Variants in SPICE1 observed in about 807,000 individuals in gnomAD.
The protein encoded by SPICE1 is spindle and centriole associated protein 1.
SPICE1 carries 75 observed loss-of-function variants against 102.7 expected under a neutral mutation model. That is an observed-to-expected ratio of 0.73 (90% CI 0.61 to 0.88). The LOEUF (loss-of-function observed/expected upper bound fraction) is 0.88, where lower values mean the gene tolerates loss of function less well. SPICE1 is among the 40% of genes least tolerant of loss of function. The pLI, the probability that SPICE1 is intolerant of heterozygous loss-of-function variation, is 0.00. For missense variants in SPICE1, 979 were observed against 1,020.1 expected (o/e 0.96, Z 0.55); for synonymous variants, 308 against 350.3 (o/e 0.88, Z 1.35).
intron 1 of SPICE1, among the ~76,000 whole-genome samples, chr3:113,508,113 A>T (rs189990343): frequency 7.3e-4 from 111 of 152,242 alleles, no homozygotes; most frequent in African/African-American, 2.6e-3. Flanking sequence ...CCTACCTCAC[A>T]CCATATTCAA....
intron 12 of SPICE1, among the ~76,000 whole-genome samples, chr3:113,458,666 G>A (rs1346559881): frequency 1.3e-5 from 2 of 151,990 alleles, no homozygotes; most frequent in Non-Finnish European, 2.9e-5. Context: ...TCTCTGCCTG[G>A]CCGCCCGTCG....
intron 7 of SPICE1, among the ~76,000 whole-genome samples, chr3:113,478,688 A>G (rs148389621): frequency 6.6e-6 from 1 of 152,196 alleles, no homozygotes; most frequent in Non-Finnish European, 1.5e-5. Context: ...CTCAGAAGAA[A>G]AGAGTGGCAA....
intron 1 of SPICE1, 148 bp from the exon 2 acceptor site, chr3:113,506,753 T>A: frequency 1.7e-6 from 1 of 602,560 alleles, no homozygotes. Context: ...CCTATCAAAA[T>A]ACTTAGTTCT....
chr3:113,499,313 T>G, intron 4 of SPICE1, 126 bp downstream of exon 4: 3 of 1,058,562 alleles, frequency 2.8e-6, no homozygotes, highest in Non-Finnish European at 3.9e-6. Context: ...GAAGTCCACA[T>G]GTAGATTATT....
intron 17 of SPICE1, among the ~76,000 whole-genome samples, chr3:113,446,143 A>G (rs1289009207): frequency 6.6e-6 from 1 of 152,212 alleles, no homozygotes; most frequent in Non-Finnish European, 1.5e-5. Flanking sequence ...ACCATAACCT[A>G]TCTAACCAAT....
chr3:113,447,929 T>A (rs1935553195), intron 16 of SPICE1, 109 bp downstream of exon 16: 1 of 961,342 alleles, frequency 1.0e-6, no homozygotes, highest in Admixed American at 2.8e-5. Context: ...TGAGTCTGTC[T>A]CAACCTAAGT....
chr3:113,494,126 T>C lies in SPICE1; in HGVS notation c.308A>G (p.Tyr103Cys). 4 of 1,608,340 alleles carry C rather than the reference T, an allele frequency of 2.5e-6. No individual in the cohort carries two copies. Among genetic ancestry groups the C allele is most frequent in the Non-Finnish European group, 3.4e-6 (4 of 1,177,082 alleles). ...SIMKEILSDQ[Y>C]QMQDVLEKSD... ...TTTCTCCAACACATCTTGCATCTGGTATTGATCAGAAAGAATCTAGACATG... is the reference window on the plus strand; with the variant it reads ...TTTCTCCAACACATCTTGCATCTGGCATTGATCAGAAAGAATCTAGACATG... The change falls in exon 5 of 18, where the codon TAC becomes TGC. Residue 103 changes from tyrosine (Y) to cysteine (C), a missense_variant. By Grantham distance (194) the Tyr-to-Cys change is radical. Coordinates refer to ENST00000295872, the MANE Select transcript of SPICE1 (RefSeq NM_144718.4).
chr3:113,474,726 T>C (rs1180107783), intron 7 of SPICE1, among the ~76,000 whole-genome samples: 2 of 152,118 alleles, frequency 1.3e-5, no homozygotes, highest in Non-Finnish European at 2.9e-5. Context: ...AATAAAGATG[T>C]TCTTTGAAAC....
chr3:113,510,867 A>G (rs1368637276), intron 1 of SPICE1, among the ~76,000 whole-genome samples: 2 of 152,226 alleles, frequency 1.3e-5, no homozygotes, highest in Non-Finnish European at 1.5e-5. Context: ...CAATCTCTCC[A>G]TCTGACAAAG....
intron 7 of SPICE1, among the ~76,000 whole-genome samples, chr3:113,488,623 G>A (rs990199525): frequency 2.6e-5 from 4 of 152,080 alleles, no homozygotes; most frequent in South Asian, 2.1e-4. Flanking sequence ...AGGTAGGTGC[G>A]GAATAAAAAA....
Position 113,460,774 on chromosome 3 carries a change from A to G in SPICE1, c.1288-10T>C, listed in dbSNP as rs766608936. On this transcript the variant is annotated splice_polypyrimidine_tract_variant and intron_variant, in intron 11 of 17. Coordinates refer to ENST00000295872, the MANE Select transcript of SPICE1 (RefSeq NM_144718.4). ...ACTGCTGAAGTCTTGCCTGGGGAGG[A>G]AAACATATGAAATAATATTATTAGC... 4 of 1,575,508 alleles carry G rather than the reference A, an allele frequency of 2.5e-6. No homozygotes were observed. Among genetic ancestry groups the G allele is most frequent in the Admixed American group, 4.0e-5 (2 of 50,600 alleles).
At chr3:113,464,557 A>G (rs1470684964) in intron 11 of SPICE1, among the ~76,000 whole-genome samples, 1 of 152,100 alleles carries the variant, frequency 6.6e-6, no homozygotes, top group Non-Finnish European at 1.5e-5. Flanking sequence ...GCCTCGCCCT[A>G]TATTATCAAT....
intron 4 of SPICE1, among the ~76,000 whole-genome samples, chr3:113,496,059 CTTTTT>C (rs10557473): frequency 2.4e-5 from 2 of 82,934 alleles, no homozygotes; most frequent in African/African-American, 4.9e-5. Flanking sequence ...TTTTTTACAA[CTTTTT>C]TTTTTTTTTT....
At chr3:113,512,774 G>C (rs1188374468) in intron 1 of SPICE1, among the ~76,000 whole-genome samples, 1 of 151,910 alleles carries the variant, frequency 6.6e-6, no homozygotes, top group Non-Finnish European at 1.5e-5. Context: ...ATTTAATCAA[G>C]GATTTCCACC....
At chr3:113,493,074 C>A (rs1323047573) in intron 6 of SPICE1, 132 bp downstream of exon 6, 32 of 639,330 alleles carry the variant, frequency 5.0e-5, no homozygotes, top group Non-Finnish European at 7.9e-5. Flanking sequence ...GTGCAATACA[C>A]TTAAGAGCAA....
intron 7 of SPICE1, among the ~76,000 whole-genome samples, chr3:113,484,649 C>T (rs930289456): frequency 3.4e-5 from 5 of 149,140 alleles, no homozygotes; most frequent in East Asian, 2.0e-4. Flanking sequence ...AGTAGTCATT[C>T]AGGAGCAGGT....
At position 113,486,516 on chromosome 3, in the gene SPICE1, A is replaced by C. The variant is rs368633844; in HGVS notation, c.611+2429T>G. 4.6e-5 allele frequency among the ~76,000 whole-genome samples: 7 copies of C among 151,670 alleles called. No homozygotes were observed. In the East Asian group the frequency reaches 1.2e-3, roughly 25 times the overall value. On this transcript the variant is annotated intron_variant, in intron 7 of 17. Coordinates refer to ENST00000295872, the MANE Select transcript of SPICE1 (RefSeq NM_144718.4). ...CACAATAAAAAATGATAATATATAT[A>C]TATGAGAATGGTCAAATAAACTACA...
rs558260595 is a variant in SPICE1 at position 113,457,300 on chromosome 3, G to A, written c.1493C>T (p.Ala498Val). The change falls in exon 13 of 18, where the codon GCT becomes GTT. Residue 498 changes from alanine (A) to valine (V), a missense_variant. Coordinates refer to ENST00000295872, the MANE Select transcript of SPICE1 (RefSeq NM_144718.4). ...SVPLMFREEVAEFPQEELPVK... is the reference protein window; with the variant it reads ...SVPLMFREEVVEFPQEELPVK... Reference sequence around the variant, plus strand: ...GGGCAACTCTTCCTGTGGGAATTCAGCCACTTCCTCTCTGAACATCAATGG... The same window carrying A: ...GGGCAACTCTTCCTGTGGGAATTCAACCACTTCCTCTCTGAACATCAATGG... The A allele has an allele frequency of 1.3e-4, 215 of 1,614,152 alleles. 4 individuals are homozygous for A. The South Asian group carries it at 1.7e-3, about 13-fold the overall frequency.
At chr3:113,465,617 A>G (rs1346942620) in intron 11 of SPICE1, 36 bp downstream of exon 11, 6 of 1,597,998 alleles carry the variant, frequency 3.8e-6, no homozygotes, top group Non-Finnish European at 4.3e-6. Context: ...GTTTTATACC[A>G]CTGAACACAT....
Sources: allele counts gnomAD v4.1 joint callset (sites outside exome capture counted in the v4.1 genomes callset), GRCh38; gene constraint gnomAD v4.1.1; transcripts MANE v1.5; gene names NCBI Gene and HGNC (gene_info 2026-07-23, HGNC 2026-07-21).